IQCM: variants seen among roughly 807,000 people sequenced by gnomAD.
IQCM encodes IQ motif containing M.
Under a neutral mutation model 57.6 loss-of-function variants are expected in IQCM, and 45 were observed. The observed-to-expected ratio is 0.78, with a 90% CI of 0.62 to 1.00. The LOEUF is 1.00. Ranked by LOEUF, IQCM falls within the 50% of genes least tolerant of loss-of-function variation. IQCM has a pLI of 0.00. For synonymous variants in IQCM, 148 were observed against 158.9 expected, an observed-to-expected ratio of 0.93 and a Z score of 0.51; for missense variants, 468 against 511.6, an observed-to-expected ratio of 0.91 and a Z score of 0.82.
intron 12 of IQCM, among the ~76,000 whole-genome samples, chr4:149,448,446 G>A (rs995809782): frequency 1.3e-5 from 2 of 151,246 alleles, no homozygotes; most frequent in Admixed American, 1.3e-4. Context: ...TAAAACTCTT[G>A]AAAAGGAAGA....
chr4:149,501,957 G>A (rs1743289270), intron 12 of IQCM, among the ~76,000 whole-genome samples: 4 of 152,036 alleles, frequency 2.6e-5, no homozygotes, highest in Non-Finnish European at 4.4e-5. Flanking sequence ...TTCTCTATAA[G>A]GAATTTCCCC....
At chr4:149,522,158 G>C (rs1299879323) in intron 12 of IQCM, among the ~76,000 whole-genome samples, 1 of 152,190 alleles carries the variant, frequency 6.6e-6, no homozygotes, top group South Asian at 2.1e-4. Flanking sequence ...CCATGGAACA[G>C]ACAGAGTTAT....
intron 8 of IQCM, among the ~76,000 whole-genome samples, chr4:149,602,108 A>C (rs991341716): frequency 6.6e-6 from 1 of 152,020 alleles, no homozygotes; most frequent in East Asian, 1.9e-4. Context: ...ATCAATAAAA[A>C]TATACAAGGA....
At chr4:149,775,040 CAA>C (rs35383107) in intron 2 of IQCM, among the ~76,000 whole-genome samples, 3,439 of 87,022 alleles carry the variant, frequency 0.04, 106 homozygotes, top group African/African-American at 0.11. Flanking sequence ...TTCTTTTTGC[CAA>C]AAAAAAAAAA....
chr4:149,491,217 T>C (rs1296526127), intron 12 of IQCM, among the ~76,000 whole-genome samples: 2 of 152,106 alleles, frequency 1.3e-5, no homozygotes, highest in Non-Finnish European at 2.9e-5. Flanking sequence ...TGTTTTGAAA[T>C]ACGTATACTT....
At chr4:149,559,395 A>G (rs1305238722) in intron 10 of IQCM, among the ~76,000 whole-genome samples, 3 of 152,126 alleles carry the variant, frequency 2.0e-5, no homozygotes, top group African/African-American at 7.2e-5. Context: ...CCTCCCAGCT[A>G]TGCCCCAGCC....
At chr4:149,650,404 GT>G (rs35846638) in intron 7 of IQCM, among the ~76,000 whole-genome samples, 24,252 of 132,362 alleles carry the variant, frequency 0.18, 1,794 homozygotes, top group South Asian at 0.3. Flanking sequence ...TAATTTCTGG[GT>G]TTTTTTTTTT....
chr4:149,478,991 T>C (rs771551268), intron 12 of IQCM, among the ~76,000 whole-genome samples: 1 of 151,930 alleles, frequency 6.6e-6, no homozygotes, highest in Non-Finnish European at 1.5e-5. Context: ...ATTTAATAAA[T>C]ATTAGTTGAT....
intron 13 of IQCM, among the ~76,000 whole-genome samples, chr4:149,408,916 C>G (rs1733173611): frequency 6.6e-6 from 1 of 152,014 alleles, no homozygotes; most frequent in African/African-American, 2.4e-5. Context: ...AAGAAAAACC[C>G]CACCTTGCTT....
At chr4:149,431,552 T>A (rs2111263035) in intron 13 of IQCM, among the ~76,000 whole-genome samples, 1 of 152,140 alleles carries the variant, frequency 6.6e-6, no homozygotes, top group African/African-American at 2.4e-5. Context: ...GGTTTTGACT[T>A]ATTTATAATT....
At chr4:149,513,053 C>G (rs112620908) in intron 12 of IQCM, among the ~76,000 whole-genome samples, 20 of 152,284 alleles carry the variant, frequency 1.3e-4, no homozygotes, top group African/African-American at 4.8e-4. Context: ...CAAATTCACT[C>G]TAGGTTACCA....
At chr4:149,761,945 A>T (rs927795409) in intron 2 of IQCM, among the ~76,000 whole-genome samples, 4 of 152,118 alleles carry the variant, frequency 2.6e-5, no homozygotes, top group East Asian at 1.9e-4. Context: ...GAAAAGAGTT[A>T]TATGATACAC....
intron 7 of IQCM, among the ~76,000 whole-genome samples, chr4:149,651,872 C>A (rs150203263): frequency 6.6e-6 from 1 of 152,130 alleles, no homozygotes; most frequent in South Asian, 2.1e-4. Flanking sequence ...ATTAGTTCAA[C>A]CATTATGGAA....
chr4:149,705,105 C>T (rs1397448924), intron 5 of IQCM, among the ~76,000 whole-genome samples: 1 of 148,858 alleles, frequency 6.7e-6, no homozygotes, highest in Non-Finnish European at 1.5e-5. Flanking sequence ...TAATCACATG[C>T]TAATGATATA....
intron 8 of IQCM, among the ~76,000 whole-genome samples, chr4:149,618,014 T>C (rs1020111648): frequency 1.3e-5 from 2 of 152,130 alleles, no homozygotes; most frequent in Admixed American, 1.3e-4. Flanking sequence ...AATCCTAAAA[T>C]TTATATGGAA....
intron 13 of IQCM, among the ~76,000 whole-genome samples, chr4:149,407,091 C>G (rs1264888825): frequency 6.6e-6 from 1 of 152,034 alleles, no homozygotes; most frequent in Non-Finnish European, 1.5e-5. Context: ...CCTTTTAAAG[C>G]CATCAGACTT....
intron 13 of IQCM, among the ~76,000 whole-genome samples, chr4:149,388,366 T>A (rs1201250076): frequency 1.3e-5 from 2 of 151,302 alleles, no homozygotes; most frequent in Non-Finnish European, 3.0e-5. Flanking sequence ...TCATTAATAC[T>A]GACTTTCTTA....
At chr4:149,748,784 TTAGA>T (rs2149928070) in intron 2 of IQCM, 1 of 152,298 alleles carries the variant, frequency 6.6e-6, no homozygotes, top group Non-Finnish European at 1.5e-5. Context: ...ATGATCAATG[TTAGA>T]TAGACCCATA....
At chr4:149,726,073 A>AAGAAAGAAAG (rs2149869241) in intron 5 of IQCM, among the ~76,000 whole-genome samples, 1 of 60,322 alleles carries the variant, frequency 1.7e-5, no homozygotes, top group Admixed American at 1.8e-4. Context: ...TTCCCTCTAA[A>AAGAAAGAAAG]AGAAAGAAAG....
Sources: allele counts gnomAD v4.1 joint callset (sites outside exome capture counted in the v4.1 genomes callset), GRCh38; gene constraint gnomAD v4.1.1; transcripts MANE v1.5; gene names NCBI Gene and HGNC (gene_info 2026-07-23, HGNC 2026-07-21).